NAV2: variants seen among roughly 807,000 people sequenced by gnomAD.
NAV2 encodes the protein neuron navigator 2, also known as helicase, APC down-regulated 1.
NAV2 carries 54 observed loss-of-function variants against 223.2 expected under a neutral mutation model. That is an observed-to-expected ratio of 0.24 (90% confidence interval 0.19 to 0.30). NAV2 has a LOEUF of 0.30. Ranked by LOEUF, NAV2 falls within the 10% of genes least tolerant of loss-of-function variation. The pLI is 1.00. For missense variants in NAV2, 2,806 were observed against 3,147.5 expected (o/e 0.89, Z 2.60); for synonymous variants, 1,279 against 1,239.3 (o/e 1.03, Z -0.67).
intron 18 of NAV2, among the ~76,000 whole-genome samples, chr11:20,054,733 T>A (rs2058258566): frequency 6.6e-6 from 1 of 152,234 alleles, no homozygotes; most frequent in African/African-American, 2.4e-5. Flanking sequence ...TGAATAGGTA[T>A]TCTTAACAAT....
intron 1 of NAV2, among the ~76,000 whole-genome samples, chr11:19,523,283 C>T (rs2043732387): frequency 6.6e-6 from 1 of 152,234 alleles, no homozygotes; most frequent in African/African-American, 2.4e-5. Flanking sequence ...CCATGCTTGT[C>T]AGGCTGTTCC....
At chr11:19,549,646 T>C (rs1039235918) in intron 1 of NAV2, among the ~76,000 whole-genome samples, 2 of 152,218 alleles carry the variant, frequency 1.3e-5, no homozygotes, top group African/African-American at 4.8e-5. Context: ...GAAGGCTGCC[T>C]GCCTGCCAGG....
intron 7 of NAV2, among the ~76,000 whole-genome samples, chr11:19,938,158 G>A (rs573530033): frequency 6.6e-6 from 1 of 152,330 alleles, no homozygotes; most frequent in African/African-American, 2.4e-5. Flanking sequence ...GGAAATAAAG[G>A]AAGAATGTGG....
In NAV2 at chr11:19,878,562, T is replaced by C. The variant is rs553941505; in HGVS notation, c.512-1307T>C. Among the ~76,000 whole-genome samples, 132 of 152,332 alleles carry C rather than the reference T, an allele frequency of 8.7e-4. 1 individual carries two copies. Among genetic ancestry groups the C allele is most frequent in the Middle Eastern group, 6.8e-3 (2 of 294 alleles). ...CCAAATGCTATGCTCCTGTCTACTT[T>C]GTCCTGTGATCAGAATCTGCTAGCT... On this transcript the variant is annotated intron_variant, in intron 4 of 37. Transcript: ENST00000349880.
chr11:19,601,543 T>C (rs964681186), intron 1 of NAV2, among the ~76,000 whole-genome samples: 3 of 152,152 alleles, frequency 2.0e-5, no homozygotes, highest in Non-Finnish European at 2.9e-5. Context: ...TATTTATCCA[T>C]TGTGGTCCCA....
chr11:19,873,626 T>C (rs1488580172), intron 4 of NAV2, among the ~76,000 whole-genome samples: 1 of 152,072 alleles, frequency 6.6e-6, no homozygotes, highest in East Asian at 1.9e-4. Context: ...TTTCTCCTCC[T>C]TTCATCCCAA....
At chr11:19,779,953 G>T (rs568580853) in intron 1 of NAV2, among the ~76,000 whole-genome samples, 1 of 152,232 alleles carries the variant, frequency 6.6e-6, no homozygotes, top group Non-Finnish European at 1.5e-5. Context: ...GGCCAGAGGT[G>T]TGTGCCCGAA....
rs774172340 is a variant in NAV2 at position 20,048,837 on chromosome 11, C to A, written c.4012C>A (p.Leu1338Ile). ...PHATMTQQGN[L>I]DSPSGSGVLS... ...TGCCACCATGACTCAGCAAGGTAAC[C>A]TAGACTCCCCGTCAGGCAGTGGCGT... Residue 1338 changes from leucine to isoleucine, a missense_variant, in exon 15 of 38, where the codon CTA becomes ATA. Leu to Ile is a conservative substitution (Grantham distance 5). Coordinates refer to ENST00000349880, the MANE Select transcript of NAV2 (RefSeq NM_145117.5). The A allele has an allele frequency of 6.2e-7, 1 of 1,614,130 alleles. No homozygotes were observed. Among genetic ancestry groups the A allele is most frequent in the Middle Eastern group, 1.6e-4 (1 of 6,062 alleles).
At chr11:19,558,412 G>A (rs1370761644) in intron 1 of NAV2, among the ~76,000 whole-genome samples, 3 of 152,226 alleles carry the variant, frequency 2.0e-5, no homozygotes, top group African/African-American at 7.2e-5. Flanking sequence ...AGTCAGAATG[G>A]TTTTACATGG....
intron 7 of NAV2, among the ~76,000 whole-genome samples, 191 bp downstream of exon 7, chr11:19,934,468 G>A (rs553678982): frequency 2.7e-4 from 41 of 152,268 alleles, no homozygotes; most frequent in South Asian, 1.0e-3. Flanking sequence ...ATACAGCACA[G>A]GTTGGGGAAG....
At chr11:20,069,169 A>C (rs1243270050) in intron 22 of NAV2, among the ~76,000 whole-genome samples, 1 of 152,138 alleles carries the variant, frequency 6.6e-6, no homozygotes, top group Non-Finnish European at 1.5e-5. Context: ...GGTGACATCT[A>C]ATGGATGCTA....
At chr11:19,984,681 C>T (rs2050611080) in intron 11 of NAV2, among the ~76,000 whole-genome samples, 1 of 152,166 alleles carries the variant, frequency 6.6e-6, no homozygotes, top group Non-Finnish European at 1.5e-5. Context: ...CAAAAAGCCT[C>T]CTGTTGCATG....
chr11:20,026,676 A>G (rs2055115690), intron 11 of NAV2, among the ~76,000 whole-genome samples: 1 of 152,222 alleles, frequency 6.6e-6, no homozygotes, highest in South Asian at 2.1e-4. Flanking sequence ...GAAGTCCTTC[A>G]AAGTCTAATG....
At chr11:19,610,466 T>C (rs1387059393) in intron 1 of NAV2, among the ~76,000 whole-genome samples, 1 of 152,226 alleles carries the variant, frequency 6.6e-6, no homozygotes, top group Non-Finnish European at 1.5e-5. Context: ...TTCTATACAA[T>C]GAATTCCCTT....
chr11:19,901,941 A>G (rs2707106), intron 6 of NAV2, among the ~76,000 whole-genome samples: 52,432 of 152,022 alleles, frequency 0.34, 9,542 homozygotes, highest in East Asian at 0.54. Context: ...CTAAATAGGG[A>G]AGCAGAGGGA....
intron 1 of NAV2, among the ~76,000 whole-genome samples, chr11:19,547,790 A>G (rs2044551855): frequency 1.3e-5 from 2 of 152,180 alleles, no homozygotes; most frequent in South Asian, 4.1e-4. Context: ...GGTAATAATA[A>G]TAATAAAGGA....
intron 10 of NAV2, among the ~76,000 whole-genome samples, chr11:19,976,122 G>A (rs528522944): frequency 1.3e-5 from 2 of 152,268 alleles, no homozygotes; most frequent in South Asian, 4.1e-4. Flanking sequence ...TTCACTCCTG[G>A]ATCATCTGTG....
chr11:19,872,288 C>T (rs573391221), intron 4 of NAV2, among the ~76,000 whole-genome samples: 1 of 152,070 alleles, frequency 6.6e-6, no homozygotes, highest in African/African-American at 2.4e-5. Flanking sequence ...TTATTTAGTA[C>T]CCCCAGCAAC....
chr11:19,966,438 T>A (rs1300500468), intron 10 of NAV2, among the ~76,000 whole-genome samples: 2 of 152,168 alleles, frequency 1.3e-5, no homozygotes, highest in Non-Finnish European at 2.9e-5. Context: ...CCTTTTGCAT[T>A]TGAGAAGCTA....
Sources: allele counts gnomAD v4.1 joint callset (sites outside exome capture counted in the v4.1 genomes callset), GRCh38; gene constraint gnomAD v4.1.1; transcripts MANE v1.5; gene names NCBI Gene and HGNC (gene_info 2026-07-23, HGNC 2026-07-21).